The following SDC2 variants were observed in gnomAD, a reference collection of about 807,000 sequenced individuals.
The protein encoded by SDC2 is syndecan-2.
A neutral mutation model predicts 22.2 loss-of-function variants in SDC2; 13 were observed. That is an observed-to-expected ratio of 0.59 (90% CI 0.38 to 0.93). The LOEUF (loss-of-function observed/expected upper bound fraction) is 0.93. Ranked by LOEUF, SDC2 falls within the 40% of genes least tolerant of loss-of-function variation. SDC2 has a pLI of 0.00. For missense variants in SDC2, 235 were observed against 246.8 expected, an observed-to-expected ratio of 0.95 and a Z score of 0.32; for synonymous variants, 94 against 92.8, an observed-to-expected ratio of 1.01 and a Z score of -0.07.
At chr8:96,601,656 A>AAG (rs1414992539) in intron 2 of SDC2, among the ~76,000 whole-genome samples, 1 of 151,650 alleles carries the variant, frequency 6.6e-6, no homozygotes, top group Non-Finnish European at 1.5e-5. Flanking sequence ...AAAAAAAAAA[A>AAG]AAAGAAACAA....
chr8:96,539,206 G>A (rs1813806351), intron 1 of SDC2, among the ~76,000 whole-genome samples: 1 of 152,160 alleles, frequency 6.6e-6, no homozygotes, highest in African/African-American at 2.4e-5. Context: ...CCATGTCTGT[G>A]CCTTCATGAA....
At chr8:96,602,676 C>T in intron 3 of SDC2, 148 bp downstream of exon 3, 1 of 802,904 alleles carries the variant, frequency 1.2e-6, no homozygotes, top group Non-Finnish European at 1.9e-6. Context: ...TTTTAAAAGA[C>T]CCCACTTAAA....
chr8:96,593,654 C>T (rs911560607), intron 2 of SDC2, 63 bp downstream of exon 2: 4 of 1,052,110 alleles, frequency 3.8e-6, no homozygotes, highest in African/African-American at 1.5e-5. Flanking sequence ...ACACATTTTA[C>T]TGTGCTTACT....
At chr8:96,566,373 T>TA (rs1289176023) in intron 1 of SDC2, among the ~76,000 whole-genome samples, 1 of 152,258 alleles carries the variant, frequency 6.6e-6, no homozygotes, top group East Asian at 1.9e-4. Context: ...TATGGAGTTA[T>TA]AAAACCATTA....
At chr8:96,548,931 C>T (rs1813980002) in intron 1 of SDC2, among the ~76,000 whole-genome samples, 1 of 152,162 alleles carries the variant, frequency 6.6e-6, no homozygotes, top group Non-Finnish European at 1.5e-5. Context: ...CTTCCTAGAG[C>T]ATTCTAGAAA....
At chr8:96,524,413 A>T (rs1429905160) in intron 1 of SDC2, among the ~76,000 whole-genome samples, 1 of 152,174 alleles carries the variant, frequency 6.6e-6, no homozygotes, top group African/African-American at 2.4e-5. Flanking sequence ...TGAGCATGTG[A>T]GAGAGAGATT....
chr8:96,593,200 A>C (rs1478240027), intron 1 of SDC2, among the ~76,000 whole-genome samples: 1 of 152,236 alleles, frequency 6.6e-6, no homozygotes, highest in Non-Finnish European at 1.5e-5. Flanking sequence ...AGTGGAATGC[A>C]ACAAAATAAG....
intron 1 of SDC2, among the ~76,000 whole-genome samples, chr8:96,568,162 C>A (rs772232648): frequency 1.3e-5 from 2 of 152,216 alleles, no homozygotes; most frequent in Non-Finnish European, 2.9e-5. Context: ...TAAGTACACC[C>A]TCTTTCTCCA....
chr8:96,599,114 T>C (rs1464364778), intron 2 of SDC2, among the ~76,000 whole-genome samples: 1 of 151,916 alleles, frequency 6.6e-6, no homozygotes, highest in Non-Finnish European at 1.5e-5. Flanking sequence ...GCTAATTCTT[T>C]TTATTTTTAG....
intron 1 of SDC2, among the ~76,000 whole-genome samples, chr8:96,593,115 A>T (rs1291217431): frequency 1.3e-5 from 2 of 152,208 alleles, no homozygotes; most frequent in Non-Finnish European, 2.9e-5. Context: ...TTCCCTTTCC[A>T]GTAAGGGAGT....
At chr8:96,584,345 C>A (rs1312217743) in intron 1 of SDC2, among the ~76,000 whole-genome samples, 1 of 152,174 alleles carries the variant, frequency 6.6e-6, no homozygotes. Flanking sequence ...TCTGTCAGCC[C>A]TTGTATAGGG....
chr8:96,498,541 C>A (rs1813110326), intron 1 of SDC2, among the ~76,000 whole-genome samples: 1 of 151,842 alleles, frequency 6.6e-6, no homozygotes, highest in Admixed American at 6.6e-5. Flanking sequence ...CACTCTGCAA[C>A]CACCACCTCA....
intron 1 of SDC2, among the ~76,000 whole-genome samples, chr8:96,546,528 C>A (rs987139434): frequency 2.0e-5 from 3 of 152,168 alleles, no homozygotes; most frequent in Admixed American, 1.3e-4. Context: ...GATTTTCCAA[C>A]AGATGACCCT....
intron 1 of SDC2, among the ~76,000 whole-genome samples, chr8:96,568,399 C>T (rs776798560): frequency 3.3e-5 from 5 of 152,210 alleles, no homozygotes; most frequent in African/African-American, 7.2e-5. Context: ...GTCAGACATA[C>T]CAATCGACTG....
intron 1 of SDC2, among the ~76,000 whole-genome samples, chr8:96,574,713 G>A (rs932988256): frequency 6.6e-6 from 1 of 152,150 alleles, no homozygotes; most frequent in African/African-American, 2.4e-5. Context: ...TTGTCTTACT[G>A]TTGTTCTGTG....
chr8:96,578,261 G>C (rs568327109), intron 1 of SDC2, among the ~76,000 whole-genome samples: 5 of 152,328 alleles, frequency 3.3e-5, no homozygotes, highest in Non-Finnish European at 5.9e-5. Flanking sequence ...GAGCTGCACT[G>C]TCCAGTATGG....
rs1278408841 is a variant in SDC2 at position 96,608,432 on chromosome 8, A to C, written c.404A>C (p.His135Pro). 1.2e-6 allele frequency: 2 copies of C among 1,613,666 alleles called. No individual in the cohort carries two copies. Among genetic ancestry groups the C allele is most frequent in the Non-Finnish European group, 8.5e-7 (1 of 1,179,786 alleles). Residue 135 changes from histidine (H) to proline (P), a missense_variant, in exon 4 of 5, where the codon CAC (histidine) becomes CCC (proline). Coordinates refer to ENST00000302190, the MANE Select transcript of SDC2 (RefSeq NM_002998.4). ...GATACAAATGTGTATACTGAGAAAC[A>C]CTCAGACAGTCTGTTTAAACGGACA... is the stretch of plus-strand genomic sequence containing the variant. The part of the protein sequence containing the change: ...EEDTNVYTEK[H>P]SDSLFKRTEV...
In SDC2 at chr8:96,542,741, G is replaced by C. The variant is rs539848932; in HGVS notation, c.60+48410G>C. Among the ~76,000 whole-genome samples, 38 of 152,160 alleles carry C rather than the reference G, an allele frequency of 2.5e-4. No individual in the cohort carries two copies. The South Asian group carries it at 7.7e-3, about 31-fold the overall frequency. ...GGTAAGTCAGAATATTTATGTTCTAGTTCAGCTTATTAAATATGAGATTTT... is the reference window on the plus strand; with the variant it reads ...GGTAAGTCAGAATATTTATGTTCTACTTCAGCTTATTAAATATGAGATTTT... On this transcript the variant is annotated intron_variant, in intron 1 of 4. Coordinates refer to ENST00000302190, the MANE Select transcript of SDC2 (RefSeq NM_002998.4).
intron 1 of SDC2, among the ~76,000 whole-genome samples, chr8:96,565,395 A>G (rs1814283858): frequency 1.3e-5 from 2 of 152,110 alleles, no homozygotes; most frequent in South Asian, 2.1e-4. Flanking sequence ...CCTAAATCTG[A>G]TTTAATCTTT....
Sources: gnomAD v4.1 joint callset for allele counts (sites outside exome capture counted in the v4.1 genomes callset) on GRCh38, gnomAD v4.1.1 for gene constraint, MANE v1.5 for transcripts, NCBI Gene and HGNC (gene_info 2026-07-23, HGNC 2026-07-21) for gene names.